OTOGL: variants seen among roughly 807,000 people sequenced by gnomAD.
The protein encoded by OTOGL is otogelin-like protein.
OTOGL carries 285 observed loss-of-function variants against 318.5 expected under a neutral mutation model. That is an observed-to-expected ratio of 0.89 (90% confidence interval 0.81 to 0.99). The LOEUF is 0.99. Among genes scored for constraint, OTOGL ranks in the 50% least tolerant of loss-of-function variants. The probability of loss-of-function intolerance (pLI) is 0.00; values close to 1 mark genes in which losing one functional copy is unlikely to be tolerated. For missense variants in OTOGL, 2,899 were observed against 2,845.6 expected (o/e 1.02, Z -0.43); for synonymous variants, 987 against 936.5 (o/e 1.05, Z -0.99).
At chr12:80,166,785 G>A (rs1873860340) in intron 1 of OTOGL, among the ~76,000 whole-genome samples, 1 of 152,086 alleles carries the variant, frequency 6.6e-6, no homozygotes, top group South Asian at 2.1e-4. Context: ...TCAATCACTG[G>A]GATGCAGAGA....
chr12:80,318,963 T>C (rs1887153274), intron 33 of OTOGL, among the ~76,000 whole-genome samples: 1 of 152,016 alleles, frequency 6.6e-6, no homozygotes, highest in African/African-American at 2.4e-5. Flanking sequence ...TTAAATAAAA[T>C]ATAGCTAAAA....
At chr12:80,147,542 G>C (rs1028233042) in intron 1 of OTOGL, among the ~76,000 whole-genome samples, 1 of 151,802 alleles carries the variant, frequency 6.6e-6, no homozygotes, top group African/African-American at 2.4e-5. Context: ...GTGATTTGGG[G>C]TGGAGAGTTC....
rs142606076 is a variant in OTOGL, at chr12:80,309,269, G to A, written c.3334-1342G>A. ...TTTCGAGGTGGAAAAATTAACAGTCGGAACATAGTAAGATAGTTGCTTTGA... is the reference window on the plus strand; with the variant it reads ...TTTCGAGGTGGAAAAATTAACAGTCAGAACATAGTAAGATAGTTGCTTTGA... On this transcript the variant is annotated intron_variant, in intron 29 of 58. Coordinates refer to ENST00000547103, the MANE Select transcript of OTOGL (RefSeq NM_001378609.3). Among the ~76,000 whole-genome samples, 122 of 152,260 alleles carry A rather than the reference G, an allele frequency of 8.0e-4. 2 individuals are homozygous for A. Among genetic ancestry groups the A allele is most frequent in the African/African-American group, 2.2e-3 (92 of 41,550 alleles).
intron 44 of OTOGL, among the ~76,000 whole-genome samples, chr12:80,344,335 T>G (rs942322949): frequency 6.6e-6 from 1 of 152,152 alleles, no homozygotes; most frequent in Admixed American, 6.5e-5. Context: ...CAATACAGGA[T>G]ACCATTTAGT....
At chr12:80,202,799 G>A (rs74108558) in intron 1 of OTOGL, among the ~76,000 whole-genome samples, 9,276 of 152,108 alleles carry the variant, frequency 0.061, 726 homozygotes, top group East Asian at 0.19. Flanking sequence ...GTAGTCATGG[G>A]AACCACCGCT....
At chr12:80,142,334 C>T (rs1005226606) in intron 1 of OTOGL, among the ~76,000 whole-genome samples, 2 of 152,044 alleles carry the variant, frequency 1.3e-5, no homozygotes, top group Non-Finnish European at 2.9e-5. Flanking sequence ...TACTGGGTGG[C>T]ACAGATGTAT....
intron 1 of OTOGL, among the ~76,000 whole-genome samples, chr12:80,158,405 C>G (rs1873269545): frequency 6.6e-6 from 1 of 151,784 alleles, no homozygotes. Flanking sequence ...CCATTGCACC[C>G]AAGGGTTTAG....
intron 38 of OTOGL, among the ~76,000 whole-genome samples, chr12:80,334,827 G>A (rs1176983522): frequency 6.6e-6 from 1 of 152,044 alleles, no homozygotes; most frequent in Non-Finnish European, 1.5e-5. Flanking sequence ...CCTCTGGGTG[G>A]TTCAGATGTC....
At chr12:80,181,990 A>G (rs1215453672) in intron 1 of OTOGL, among the ~76,000 whole-genome samples, 2 of 151,964 alleles carry the variant, frequency 1.3e-5, no homozygotes, top group Admixed American at 1.3e-4. Flanking sequence ...ATAGTGAAAC[A>G]TTGCCTCTAC....
chr12:80,268,131 C>G (rs1164168448), intron 22 of OTOGL, among the ~76,000 whole-genome samples: 2 of 152,104 alleles, frequency 1.3e-5, no homozygotes, highest in African/African-American at 4.8e-5. Context: ...CACGTCCATG[C>G]AGCAGTCCAT....
In OTOGL at chr12:80,271,817, CTCT is replaced by C. The variant is rs1399823398; in HGVS notation, c.2681+13_2681+15del. On this transcript the variant is annotated splice_region_variant and intron_variant, in intron 24 of 58. Transcript: ENST00000547103. The stretch of plus-strand genomic sequence containing the variant: ...GCTGTGTTTGTGCTCCAGGGTAAGC[CTCT>C]TCTTCATAATACAGAACATTCAGGA... The C allele has an allele frequency of 4.4e-6, 7 of 1,609,166 alleles. No individual in the cohort carries two copies. Among genetic ancestry groups the C allele is most frequent in the Non-Finnish European group, 5.9e-6 (7 of 1,176,966 alleles).
intron 1 of OTOGL, among the ~76,000 whole-genome samples, chr12:80,148,907 G>C (rs1166088846): frequency 7.2e-5 from 11 of 152,078 alleles, no homozygotes; most frequent in African/African-American, 2.4e-4. Context: ...AGCTCCATCA[G>C]CTCCTTTAAG....
chr12:80,211,386 GA>G (rs1877240601), intron 3 of OTOGL, among the ~76,000 whole-genome samples: 1 of 151,936 alleles, frequency 6.6e-6, no homozygotes, highest in African/African-American at 2.4e-5. Flanking sequence ...TTCACCATTT[GA>G]TTTTTTAAAA....
chr12:80,100,638 C>T (rs780026371), intron 1 of OTOGL, among the ~76,000 whole-genome samples: 1 of 152,072 alleles, frequency 6.6e-6, no homozygotes, highest in Non-Finnish European at 1.5e-5. Flanking sequence ...TTAGGTGTTA[C>T]GAGAAACTGG....
intron 1 of OTOGL, among the ~76,000 whole-genome samples, chr12:80,118,641 C>T (rs557805919): frequency 6.6e-6 from 1 of 152,274 alleles, no homozygotes; most frequent in South Asian, 2.1e-4. Flanking sequence ...TTTCAAACAG[C>T]ATTTGCTTTA....
intron 24 of OTOGL, among the ~76,000 whole-genome samples, chr12:80,275,303 T>C (rs537039228): frequency 1.3e-5 from 2 of 152,058 alleles, no homozygotes; most frequent in African/African-American, 4.8e-5. Flanking sequence ...CGGATAACTT[T>C]GAGGGTTTTA....
At chr12:80,280,942 T>G (rs868340122) in intron 26 of OTOGL, among the ~76,000 whole-genome samples, 11 of 151,924 alleles carry the variant, frequency 7.2e-5, no homozygotes, top group African/African-American at 2.4e-4. Context: ...GGTATTTTTT[T>G]TTTGTGTGTA....
At chr12:80,210,821 C>T in intron 2 of OTOGL, 26 bp from the exon 3 acceptor site, 1 of 1,389,070 alleles carries the variant, frequency 7.2e-7, no homozygotes, top group Non-Finnish European at 9.6e-7. Flanking sequence ...AATTTTTTTT[C>T]ATTCTTATAT....
intron 11 of OTOGL, among the ~76,000 whole-genome samples, chr12:80,244,950 C>G (rs897052247): frequency 4.7e-5 from 7 of 148,674 alleles, no homozygotes; most frequent in Non-Finnish European, 1.5e-5. Context: ...TGTTTTTTGG[C>G]TGCATAAATG....
Sources: allele counts gnomAD v4.1 joint callset (sites outside exome capture counted in the v4.1 genomes callset), GRCh38; gene constraint gnomAD v4.1.1; transcripts MANE v1.5; gene names NCBI Gene and HGNC (gene_info 2026-07-23, HGNC 2026-07-21).